Variants in ADARB2 observed in about 807,000 individuals in gnomAD.
ADARB2 encodes the protein adenosine deaminase RNA specific B2 (inactive).
ADARB2 carries 25 observed loss-of-function variants against 62.2 expected under a neutral mutation model. That is an observed-to-expected ratio of 0.40 (90% CI 0.29 to 0.56). The LOEUF (loss-of-function observed/expected upper bound fraction) is 0.56. Among genes scored for constraint, ADARB2 ranks in the 20% least tolerant of loss-of-function variants. The probability of loss-of-function intolerance (pLI) is 0.43; values close to 1 mark genes in which losing one functional copy is unlikely to be tolerated. For synonymous variants in ADARB2, 572 were observed against 500.8 expected, an observed-to-expected ratio of 1.14 and a Z score of -1.90; for missense variants, 1,071 against 1,077.4, an observed-to-expected ratio of 0.99 and a Z score of 0.08.
At chr10:1,343,960 CA>C (rs1430571231) in intron 3 of ADARB2, among the ~76,000 whole-genome samples, 1 of 152,142 alleles carries the variant, frequency 6.6e-6, no homozygotes. Context: ...ATCTGTACAC[CA>C]AACCCCCACA....
intron 1 of ADARB2, among the ~76,000 whole-genome samples, chr10:1,681,601 C>G (rs750879032): frequency 1.2e-4 from 18 of 152,190 alleles, no homozygotes; most frequent in Admixed American, 2.0e-4. Context: ...GGTTTTCCCA[C>G]CTGTAAAATG....
At chr10:1,521,268 A>G (rs1253851718) in intron 1 of ADARB2, among the ~76,000 whole-genome samples, 1 of 152,180 alleles carries the variant, frequency 6.6e-6, no homozygotes, top group Non-Finnish European at 1.5e-5. Context: ...GGGTGACAAT[A>G]GAATGTAGTG....
intron 2 of ADARB2, among the ~76,000 whole-genome samples, chr10:1,375,901 C>G (rs1432650666): frequency 6.6e-6 from 1 of 151,252 alleles, no homozygotes; most frequent in Non-Finnish European, 1.5e-5. Context: ...CACACACGTG[C>G]ACATACCACA....
intron 3 of ADARB2, among the ~76,000 whole-genome samples, chr10:1,348,019 C>G (rs1157716353): frequency 6.6e-6 from 1 of 151,506 alleles, no homozygotes; most frequent in Non-Finnish European, 1.5e-5. Flanking sequence ...CAAACAGAGA[C>G]AGGGACCGAG....
At chr10:1,594,490 A>G (rs1236639873) in intron 1 of ADARB2, among the ~76,000 whole-genome samples, 6 of 151,908 alleles carry the variant, frequency 3.9e-5, no homozygotes, top group Non-Finnish European at 7.4e-5. Context: ...AGTCTGTTGG[A>G]AAGGATTTTG....
At chr10:1,468,288 C>T (rs1310076086) in intron 1 of ADARB2, among the ~76,000 whole-genome samples, 1 of 152,190 alleles carries the variant, frequency 6.6e-6, no homozygotes, top group Non-Finnish European at 1.5e-5. Context: ...GTGTTGCTGG[C>T]TGCCTGAGGC....
chr10:1,493,871 G>A (rs577339237), intron 1 of ADARB2, among the ~76,000 whole-genome samples: 2 of 149,430 alleles, frequency 1.3e-5, no homozygotes, highest in Admixed American at 6.7e-5. Flanking sequence ...CGGTTCTCCC[G>A]CCTCAGCCTC....
intron 1 of ADARB2, among the ~76,000 whole-genome samples, chr10:1,546,988 T>G (rs1459245971): frequency 6.6e-6 from 1 of 152,112 alleles, no homozygotes; most frequent in Non-Finnish European, 1.5e-5. Context: ...CACTGCATGT[T>G]AGGAACAGGT....
intron 6 of ADARB2, among the ~76,000 whole-genome samples, chr10:1,219,014 T>C (rs1003396757): frequency 7.8e-5 from 11 of 141,932 alleles, no homozygotes; most frequent in African/African-American, 2.4e-4. Context: ...TGTGCCACTG[T>C]ACTCCAGCCT....
intron 1 of ADARB2, among the ~76,000 whole-genome samples, chr10:1,570,162 T>C (rs1193758828): frequency 6.6e-6 from 1 of 152,246 alleles, no homozygotes; most frequent in East Asian, 1.9e-4. Flanking sequence ...CATCCACTTA[T>C]GACATATCGA....
chr10:1,693,968 T>G (rs1834705139), intron 1 of ADARB2, among the ~76,000 whole-genome samples: 1 of 152,256 alleles, frequency 6.6e-6, no homozygotes, highest in South Asian at 2.1e-4. Flanking sequence ...TTCCTTGGAA[T>G]GGCAGGGGAC....
chr10:1,293,657 C>T (rs1377683849), intron 3 of ADARB2, among the ~76,000 whole-genome samples: 1 of 152,228 alleles, frequency 6.6e-6, no homozygotes, highest in Non-Finnish European at 1.5e-5. Context: ...TTTGACAAAG[C>T]TTCCTCTGGA....
intron 3 of ADARB2, among the ~76,000 whole-genome samples, chr10:1,306,497 C>T (rs1203892019): frequency 2.0e-5 from 3 of 151,918 alleles, no homozygotes; most frequent in Non-Finnish European, 2.9e-5. Context: ...AGGTAATTTG[C>T]AGATTCAATG....
chr10:1,418,728 C>G (rs570006001), intron 1 of ADARB2, among the ~76,000 whole-genome samples: 8 of 152,008 alleles, frequency 5.3e-5, no homozygotes, highest in Non-Finnish European at 1.0e-4. Context: ...AGTTTTGGGC[C>G]GAGCAACACT....
At chr10:1,678,100 T>G (rs974622739) in intron 1 of ADARB2, 2 of 963,632 alleles carry the variant, frequency 2.1e-6, no homozygotes, top group Admixed American at 1.2e-4. Context: ...GGCCAATTTC[T>G]GTGGCTTCAA....
At chr10:1,473,815 T>C (rs376649566) in intron 1 of ADARB2, among the ~76,000 whole-genome samples, 11 of 152,212 alleles carry the variant, frequency 7.2e-5, no homozygotes, top group African/African-American at 2.7e-4. Context: ...TTTGGGCAAT[T>C]TGGGTGGCTT....
At chr10:1,716,248 C>T (rs1196429374) in intron 1 of ADARB2, among the ~76,000 whole-genome samples, 2 of 152,198 alleles carry the variant, frequency 1.3e-5, no homozygotes, top group African/African-American at 2.4e-5. Flanking sequence ...CTGTAACTGC[C>T]CCAGGCAGAA....
chr10:1,731,418 A>G (rs1025252086), intron 1 of ADARB2, among the ~76,000 whole-genome samples: 3 of 152,202 alleles, frequency 2.0e-5, no homozygotes, highest in Admixed American at 6.5e-5. Flanking sequence ...TCTGGCTCCA[A>G]GGTCCTAAAT....
At chr10:1,420,041 G>T (rs1462017712) in intron 1 of ADARB2, among the ~76,000 whole-genome samples, 2 of 152,232 alleles carry the variant, frequency 1.3e-5, no homozygotes, top group Non-Finnish European at 2.9e-5. Flanking sequence ...ATATTGTAAA[G>T]TCAATTTTTA....
Sources: allele counts gnomAD v4.1 joint callset (sites outside exome capture counted in the v4.1 genomes callset), GRCh38; gene constraint gnomAD v4.1.1; transcripts MANE v1.5; gene names NCBI Gene and HGNC (gene_info 2026-07-23, HGNC 2026-07-21).